Variants in PADI2 observed in about 807,000 individuals in gnomAD.
The protein encoded by PADI2 is peptidyl arginine deiminase 2.
Under a neutral mutation model 81.1 loss-of-function variants are expected in PADI2, and 70 were observed. That is an observed-to-expected ratio of 0.86 (90% CI 0.71 to 1.05). The LOEUF is 1.05. Ranked by LOEUF, PADI2 falls within the 50% of genes least tolerant of loss-of-function variation. The probability of loss-of-function intolerance (pLI) is 0.00; values close to 1 mark genes in which losing one functional copy is unlikely to be tolerated. For synonymous variants in PADI2, 338 were observed against 358.0 expected (o/e 0.94, Z 0.63); for missense variants, 853 against 889.9 (o/e 0.96, Z 0.53).
intron 6 of PADI2, among the ~76,000 whole-genome samples, chr1:17,089,007 A>G (rs1930576914): frequency 6.6e-6 from 1 of 151,600 alleles, no homozygotes; most frequent in Non-Finnish European, 1.5e-5. Flanking sequence ...AATGATACCC[A>G]CGCCACAGGT....
At chr1:17,099,976 C>G (rs539912622) in intron 3 of PADI2, among the ~76,000 whole-genome samples, 21 of 151,886 alleles carry the variant, frequency 1.4e-4, no homozygotes, top group Middle Eastern at 3.4e-3. Flanking sequence ...AGGATAGGAC[C>G]AGGGTGAGAG....
intron 13 of PADI2, among the ~76,000 whole-genome samples, chr1:17,073,006 G>A (rs1274724594): frequency 6.6e-6 from 1 of 152,184 alleles, no homozygotes; most frequent in African/African-American, 2.4e-5. Flanking sequence ...TGACAGTCAG[G>A]AACACTGTCT....
chr1:17,106,449 T>C (rs1417808900), intron 1 of PADI2, among the ~76,000 whole-genome samples: 2 of 139,852 alleles, frequency 1.4e-5, no homozygotes, highest in African/African-American at 5.2e-5. Flanking sequence ...TTTCTTCTTC[T>C]TTTTTTTTTT....
intron 2 of PADI2, among the ~76,000 whole-genome samples, chr1:17,104,163 G>A (rs1297869324): frequency 4.0e-5 from 6 of 151,150 alleles, no homozygotes; most frequent in Non-Finnish European, 8.8e-5. Flanking sequence ...TAGGGCAGGC[G>A]TCTGTAGTCC....
chr1:17,073,517 T>G (rs188967855), intron 13 of PADI2, among the ~76,000 whole-genome samples: 9 of 152,246 alleles, frequency 5.9e-5, no homozygotes, highest in African/African-American at 2.2e-4. Flanking sequence ...TACAAGTGGT[T>G]AAAATAACAA....
chr1:17,069,172 G>A lies in PADI2; in HGVS notation c.1870C>T (p.Pro624Ser). 6.2e-7 allele frequency: 1 copy of A among 1,614,210 alleles called. No homozygotes were observed. The highest frequency in any genetic ancestry group is 1.3e-5 in the African/African-American group (1 of 75,046). Residue 624 changes from proline (P) to serine (S), a missense_variant, in exon 16 of 16, where the codon CCC becomes TCC. Physicochemically the swap from Pro to Ser is moderately conservative, Grantham distance 74. Transcript: ENST00000375486. ...LEMHVRGLLE[P>S]LGLECTFIDD... ...ATGAAGGTGCATTCGAGGCCCAGGG[G>A]CTCCAGGAGGCCACGCACGTGCATC...
chr1:17,082,235 T>C (rs1459359874), intron 10 of PADI2, among the ~76,000 whole-genome samples: 2 of 152,154 alleles, frequency 1.3e-5, no homozygotes, highest in Non-Finnish European at 2.9e-5. Flanking sequence ...GAAACTTAAC[T>C]CATTTTGCTG....
intron 6 of PADI2, among the ~76,000 whole-genome samples, chr1:17,089,737 C>T (rs142208930): frequency 1.2e-4 from 19 of 152,334 alleles, no homozygotes; most frequent in Admixed American, 4.6e-4. Context: ...TGGCTCGGTG[C>T]AAACCCCACA....
chr1:17,111,011 C>G, intron 1 of PADI2, among the ~76,000 whole-genome samples: 1 of 150,776 alleles, frequency 6.6e-6, no homozygotes, highest in East Asian at 2.0e-4. Flanking sequence ...GTGCCAGGCA[C>G]AGTTCTAGGC....
At chr1:17,088,680 G>C (rs540108782) in intron 6 of PADI2, among the ~76,000 whole-genome samples, 1 of 151,950 alleles carries the variant, frequency 6.6e-6, no homozygotes, top group African/African-American at 2.4e-5. Flanking sequence ...ATGCTGAGGC[G>C]GGCGAATCAC....
chr1:17,083,940 C>T (rs529541778), intron 8 of PADI2, 103 bp from the exon 9 acceptor site: 9 of 778,078 alleles, frequency 1.2e-5, no homozygotes, highest in Middle Eastern at 3.3e-4. Context: ...TGGGCTGTGC[C>T]GGGCAGATCA....
chr1:17,083,684 C>G (rs774348104), intron 9 of PADI2, 42 bp downstream of exon 9: 2 of 1,260,354 alleles, frequency 1.6e-6, no homozygotes, highest in Admixed American at 1.7e-5. Flanking sequence ...TTTGCTTGAC[C>G]CGGGGGCCAT....
Position 17,102,759 on chromosome 1 carries a change from G to GT in PADI2, c.349+227_349+228insA, listed in dbSNP as rs1553183555. ...AAGGGGACCTTGACACTTGGGGGGG[G>GT]GTTGCTGATGGATCAGGGAGTGCCT... is the stretch of plus-strand genomic sequence containing the variant. On this transcript the variant is annotated intron_variant, in intron 3 of 15. Coordinates refer to ENST00000375486, the MANE Select transcript of PADI2 (RefSeq NM_007365.3). 1.3e-3 allele frequency among the ~76,000 whole-genome samples: 197 copies of GT among 151,156 alleles called. 1 individual carries two copies. The highest frequency in any genetic ancestry group is 4.7e-3 in the African/African-American group (192 of 41,174).
At chr1:17,085,473 G>T (rs141166667) in intron 7 of PADI2, among the ~76,000 whole-genome samples, 1 of 152,128 alleles carries the variant, frequency 6.6e-6, no homozygotes, top group African/African-American at 2.4e-5. Context: ...CCCCATCCCC[G>T]TCCCCTATCC....
chr1:17,073,416 C>CAAAAAAAAAAAA (rs55941211), intron 13 of PADI2, among the ~76,000 whole-genome samples: 2 of 127,456 alleles, frequency 1.6e-5, no homozygotes, highest in Non-Finnish European at 3.3e-5. Flanking sequence ...GACTGTGTCT[C>CAAAAAAAAAAAA]AAAAAAAAAA....
chr1:17,103,376 G>A (rs1319312780), intron 2 of PADI2, among the ~76,000 whole-genome samples: 2 of 152,218 alleles, frequency 1.3e-5, no homozygotes, highest in East Asian at 1.9e-4. Flanking sequence ...TGCCCACTGA[G>A]GGGACAGGGC....
intron 2 of PADI2, 27 bp from the exon 3 acceptor site, chr1:17,103,086 TAG>T: frequency 1.3e-6 from 2 of 1,550,700 alleles, no homozygotes; most frequent in African/African-American, 1.4e-5. Flanking sequence ...CACATTGGAG[TAG>T]AGAGAAAAGA....
At chr1:17,086,774 G>A (rs1930472791) in intron 6 of PADI2, 75 bp from the exon 7 acceptor site, 2 of 1,272,770 alleles carry the variant, frequency 1.6e-6, no homozygotes, top group Non-Finnish European at 1.1e-6. Context: ...CACCGATGGG[G>A]ACAAAAGGGC....
intron 10 of PADI2, 108 bp downstream of exon 10, chr1:17,082,437 C>A (rs903918522): frequency 5.4e-6 from 4 of 737,836 alleles, no homozygotes; most frequent in Non-Finnish European, 4.9e-6. Context: ...AACAGAGGCT[C>A]TGGGCAGCAG....
Sources: allele counts gnomAD v4.1 joint callset (sites outside exome capture counted in the v4.1 genomes callset), GRCh38; gene constraint gnomAD v4.1.1; transcripts MANE v1.5; gene names NCBI Gene and HGNC (gene_info 2026-07-23, HGNC 2026-07-21).